UTRN: variants seen among roughly 807,000 people sequenced by gnomAD.
UTRN encodes utrophin.
A neutral mutation model predicts 463.9 loss-of-function variants in UTRN; 283 were observed. The ratio of observed to expected loss-of-function variants is 0.61; its 90% confidence interval spans 0.55 to 0.67. The LOEUF (loss-of-function observed/expected upper bound fraction) is 0.67, where lower values mean the gene tolerates loss of function less well. Ranked by LOEUF, UTRN falls within the 30% of genes least tolerant of loss-of-function variation. The probability of loss-of-function intolerance (pLI) is 0.00; values close to 1 mark genes in which losing one functional copy is unlikely to be tolerated. For missense variants in UTRN, 3,922 were observed against 4,084.3 expected (o/e 0.96, Z 1.08); for synonymous variants, 1,442 against 1,431.5 (o/e 1.01, Z -0.17).
intron 65 of UTRN, among the ~76,000 whole-genome samples, chr6:144,820,085 T>C (rs1779465087): frequency 6.6e-6 from 1 of 150,836 alleles, no homozygotes; most frequent in South Asian, 2.1e-4. Context: ...ATATCTGTAT[T>C]GTAAATAGAA....
rs142883632 is a variant in UTRN, at chr6:144,792,351, T to C, written c.8921-1483T>C. On this transcript the variant is annotated intron_variant, in intron 62 of 74. Coordinates refer to ENST00000367545, the MANE Select transcript of UTRN (RefSeq NM_007124.3). Reference sequence around the variant, plus strand: ...TCAACTGTGATCGGGAGTTCGAGACTAGCCTGACCAACATGGAGAAACCCT... The same window carrying C: ...TCAACTGTGATCGGGAGTTCGAGACCAGCCTGACCAACATGGAGAAACCCT... 2.3e-3 allele frequency among the ~76,000 whole-genome samples: 347 copies of C among 152,256 alleles called. 1 individual carries two copies. The highest frequency in any genetic ancestry group is 7.9e-3 in the African/African-American group (329 of 41,570).
At chr6:144,824,594 A>G (rs1476470681) in intron 66 of UTRN, among the ~76,000 whole-genome samples, 1 of 53,272 alleles carries the variant, frequency 1.9e-5, no homozygotes, top group African/African-American at 9.9e-5. Context: ...ATATATATAT[A>G]TATATATATA....
rs1267200637 is a variant in UTRN at position 144,458,883 on chromosome 6, A to G, written c.2398A>G (p.Ile800Val). The change falls in exon 20 of 75, where the codon ATA becomes GTA. Residue 800 changes from isoleucine (I) to valine (V), a missense_variant. Ile to Val is a conservative substitution (Grantham distance 29). This residue lies in a region of UTRN where 2,349 missense variants were observed against 2,303.8 expected (regional missense o/e 1.02). Coordinates refer to ENST00000367545, the MANE Select transcript of UTRN (RefSeq NM_007124.3). ...LERKIQLQED[I>V]NAYFKQLDEL... ...AAGAAAGATTCAGCTACAGGAAGATATAAATGCTTATTTCAAGCAGCTTGA... is the reference window on the plus strand; with the variant it reads ...AAGAAAGATTCAGCTACAGGAAGATGTAAATGCTTATTTCAAGCAGCTTGA... 6.2e-7 allele frequency: 1 copy of G among 1,613,920 alleles called. No individual in the cohort carries two copies. Among genetic ancestry groups the G allele is most frequent in the Non-Finnish European group, 8.5e-7 (1 of 1,180,002 alleles).
rs1455771467 is a variant in UTRN at position 144,789,282 on chromosome 6, A to T, written c.8920+3A>T. On this transcript the variant is annotated splice_donor_region_variant and intron_variant, in intron 62 of 74. Coordinates refer to ENST00000367545, the MANE Select transcript of UTRN (RefSeq NM_007124.3). Reference sequence around the variant, plus strand: ...TCTCTTGGAAGAAAAATACAGATGTATGTAAGACCTTTCTTATACCAACAG... The same window carrying T: ...TCTCTTGGAAGAAAAATACAGATGTTTGTAAGACCTTTCTTATACCAACAG... 6.2e-7 allele frequency: 1 copy of T among 1,602,750 alleles called. No individual in the cohort carries two copies. Among genetic ancestry groups the T allele is most frequent in the Non-Finnish European group, 8.5e-7 (1 of 1,173,722 alleles).
intron 52 of UTRN, among the ~76,000 whole-genome samples, chr6:144,687,405 A>G (rs1782881659): frequency 6.6e-6 from 1 of 152,172 alleles, no homozygotes; most frequent in Admixed American, 6.5e-5. Flanking sequence ...AGGAGTAGCT[A>G]TTCTTACATT....
At chr6:144,651,451 G>A (rs1280144751) in intron 51 of UTRN, among the ~76,000 whole-genome samples, 6 of 152,176 alleles carry the variant, frequency 3.9e-5, no homozygotes, top group East Asian at 1.9e-4. Flanking sequence ...AGCTAGATAA[G>A]TGTCATAAAG....
intron 47 of UTRN, among the ~76,000 whole-genome samples, chr6:144,550,025 G>C (rs1234623567): frequency 6.6e-6 from 1 of 152,182 alleles, no homozygotes; most frequent in African/African-American, 2.4e-5. Context: ...GGCAAGAAAT[G>C]CATAAATCAA....
At chr6:144,494,425 G>A (rs1042124775) in intron 33 of UTRN, among the ~76,000 whole-genome samples, 1 of 152,176 alleles carries the variant, frequency 6.6e-6, no homozygotes, top group Non-Finnish European at 1.5e-5. Flanking sequence ...TTTGCAGTGA[G>A]TGTTACAGCT....
chr6:144,803,910 T>A (rs952094260), intron 65 of UTRN, among the ~76,000 whole-genome samples: 2 of 152,112 alleles, frequency 1.3e-5, no homozygotes, highest in Non-Finnish European at 2.9e-5. Context: ...TCAACGTTTT[T>A]TTCAAAATAG....
At chr6:144,698,788 C>T (rs945588508) in intron 52 of UTRN, among the ~76,000 whole-genome samples, 2 of 152,210 alleles carry the variant, frequency 1.3e-5, no homozygotes, top group South Asian at 2.1e-4. Flanking sequence ...CTTATTGGAA[C>T]CTTAACCATA....
At chr6:144,497,408 G>A (rs1448745420) in intron 33 of UTRN, among the ~76,000 whole-genome samples, 1 of 151,500 alleles carries the variant, frequency 6.6e-6, no homozygotes, top group Non-Finnish European at 1.5e-5. Context: ...GGGTGCGGTC[G>A]CTTATGCCTG....
rs773320680 is a variant in UTRN, at chr6:144,306,901, C to CA, written c.79+15008dup. On this transcript the variant is annotated intron_variant, in intron 2 of 74. Transcript: ENST00000367545. ...TGAAACCCTACCTCTACTAAAAATACAAAAAAAAAAAAAATTACCTGGGCA... is the reference window on the plus strand; with the variant it reads ...TGAAACCCTACCTCTACTAAAAATACAAAAAAAAAAAAAAATTACCTGGGCA... Among the ~76,000 whole-genome samples, 528 of 132,574 alleles carry CA rather than the reference C, an allele frequency of 4.0e-3. 2 individuals carry two copies. The highest frequency in any genetic ancestry group is 6.4e-3 in the African/African-American group (234 of 36,292). 87.0% of individuals were successfully genotyped at this position (132,574 alleles called of 152,430 possible).
At chr6:144,544,702 GA>G (rs35142302) in intron 46 of UTRN, among the ~76,000 whole-genome samples, 30 of 147,224 alleles carry the variant, frequency 2.0e-4, no homozygotes, top group African/African-American at 5.3e-4. Context: ...ATTTTCAAAA[GA>G]AAAAAAAAAC....
In UTRN at chr6:144,789,256, G is replaced by C; in HGVS notation, c.8897G>C (p.Gly2966Ala). 1.2e-6 allele frequency: 2 copies of C among 1,613,094 alleles called. No homozygotes were observed. Among genetic ancestry groups the C allele is most frequent in the Non-Finnish European group, 1.7e-6 (2 of 1,179,590 alleles). Residue 2966 changes from glycine to alanine, a missense_variant, in exon 62 of 75, where the codon GGT (glycine) becomes GCT (alanine). Physicochemically the swap from Gly to Ala is moderately conservative, Grantham distance 60 (BLOSUM62 0). Transcript: ENST00000367545. ...ATTGGATTAATGTCTCTCTCCAAAGGTCTCTTGGAAGAAAAATACAGATGT... is the reference window on the plus strand; with the variant it reads ...ATTGGATTAATGTCTCTCTCCAAAGCTCTCTTGGAAGAAAAATACAGATGT... ...LKIGLMSLSK[G>A]LLEEKYRYLF...
intron 2 of UTRN, among the ~76,000 whole-genome samples, chr6:144,306,177 C>G (rs548275060): frequency 2.0e-5 from 3 of 152,130 alleles, no homozygotes; most frequent in Non-Finnish European, 2.9e-5. Flanking sequence ...CTCTCTCACT[C>G]CTGGTTTGGG....
At chr6:144,655,819 T>C (rs1779258736) in intron 51 of UTRN, among the ~76,000 whole-genome samples, 1 of 152,238 alleles carries the variant, frequency 6.6e-6, no homozygotes, top group African/African-American at 2.4e-5. Flanking sequence ...ATTGCCTTAA[T>C]AAAATTACTA....
At position 144,318,960 on chromosome 6, in the gene UTRN, T is replaced by C. The variant is rs561206849; in HGVS notation, c.79+27053T>C. 2.2e-4 allele frequency among the ~76,000 whole-genome samples: 33 copies of C among 152,226 alleles called. No homozygotes were observed. The South Asian group carries it at 6.4e-3, about 30-fold the overall frequency. ...TGCCAGCACCTGTGGTCCCAGCTACTTGGGAGGCTGAGGTGGAGGGATCAC... is the reference window on the plus strand; with the variant it reads ...TGCCAGCACCTGTGGTCCCAGCTACCTGGGAGGCTGAGGTGGAGGGATCAC... On this transcript the variant is annotated intron_variant, in intron 2 of 74. Coordinates refer to ENST00000367545, the MANE Select transcript of UTRN (RefSeq NM_007124.3).
chr6:144,631,237 G>GTGTGT (rs111543509), intron 51 of UTRN, among the ~76,000 whole-genome samples: 20 of 147,532 alleles, frequency 1.4e-4, no homozygotes, highest in Middle Eastern at 3.4e-3. Context: ...GAGAGAGAGA[G>GTGTGT]GTGTGTGTGT....
At chr6:144,595,587 T>C (rs1014772598) in intron 51 of UTRN, among the ~76,000 whole-genome samples, 13 of 152,190 alleles carry the variant, frequency 8.5e-5, no homozygotes, top group African/African-American at 2.4e-4. Flanking sequence ...AAACTGGGGC[T>C]ACATAAAAGG....
Sources: allele counts gnomAD v4.1 joint callset (sites outside exome capture counted in the v4.1 genomes callset), GRCh38; gene constraint gnomAD v4.1.1; regional missense constraint gnomAD v4.1.1; transcripts MANE v1.5; gene names NCBI Gene and HGNC (gene_info 2026-07-23, HGNC 2026-07-21).